Variants in WIPF1 observed in about 807,000 individuals in gnomAD.
The protein encoded by WIPF1 is WAS/WASL-interacting protein family member 1.
Under a neutral mutation model 35.4 loss-of-function variants are expected in WIPF1, and 13 were observed. The observed-to-expected ratio is 0.37, with a 90% CI of 0.24 to 0.58. The LOEUF is 0.58. Among genes scored for constraint, WIPF1 ranks in the 20% least tolerant of loss-of-function variants. WIPF1 has a pLI of 0.74. For synonymous variants in WIPF1, 267 were observed against 266.3 expected (o/e 1.00, Z -0.02); for missense variants, 591 against 667.0 (o/e 0.89, Z 1.25).
intron 1 of WIPF1, among the ~76,000 whole-genome samples, chr2:174,657,851 G>A (rs1042126697): frequency 4.0e-5 from 6 of 151,230 alleles, no homozygotes; most frequent in Admixed American, 2.6e-4. Context: ...TAGAGGTTGC[G>A]GTGAGCCAAG....
At chr2:174,574,834 C>T (rs1684991721) in intron 4 of WIPF1, 1 of 716,284 alleles carries the variant, frequency 1.4e-6, no homozygotes, top group Non-Finnish European at 2.6e-6. Flanking sequence ...CTCTACTAGA[C>T]AGCTGGGCTA....
chr2:174,583,113 C>G (rs1685290745), intron 2 of WIPF1, among the ~76,000 whole-genome samples: 3 of 152,182 alleles, frequency 2.0e-5, no homozygotes, highest in Admixed American at 2.0e-4. Flanking sequence ...AATGCCCCTC[C>G]CCATCCAGCC....
chr2:174,560,265 T>A lies in WIPF1; in HGVS notation c.*2282A>T, dbSNP rs752731804. 9 of 152,640 alleles carry A rather than the reference T, an allele frequency of 5.9e-5. No individual in the cohort carries two copies. The highest frequency in any genetic ancestry group is 8.8e-5 in the Non-Finnish European group (6 of 68,026). 9.5% of individuals were successfully genotyped at this position (152,640 alleles called of 1,614,324 possible). On this transcript the variant is annotated 3_prime_UTR_variant, in exon 8 of 8. Coordinates refer to ENST00000679041, the MANE Select transcript of WIPF1 (RefSeq NM_001375834.1). ...ATTAATGAAACAGTCACTTAAACAC[T>A]ACATTCTAAAACAATCTATTCTGGA...
intron 1 of WIPF1, among the ~76,000 whole-genome samples, chr2:174,648,537 T>C (rs1687465322): frequency 6.6e-6 from 1 of 152,180 alleles, no homozygotes; most frequent in Admixed American, 6.5e-5. Context: ...GGAGGGAGAA[T>C]AGGAGTTAAT....
At chr2:174,576,649 A>G (rs1574798264) in intron 3 of WIPF1, among the ~76,000 whole-genome samples, 2 of 152,326 alleles carry the variant, frequency 1.3e-5, no homozygotes, top group East Asian at 3.9e-4. Flanking sequence ...AAACAAACAA[A>G]CAAACAAAAA....
chr2:174,609,012 G>A (rs977542023), intron 1 of WIPF1, among the ~76,000 whole-genome samples: 2 of 151,988 alleles, frequency 1.3e-5, no homozygotes, highest in Non-Finnish European at 2.9e-5. Flanking sequence ...GACTCCCCTA[G>A]GGGCCCTCTG....
chr2:174,642,982 T>A (rs1337893918), intron 1 of WIPF1, among the ~76,000 whole-genome samples: 1 of 149,702 alleles, frequency 6.7e-6, no homozygotes. Context: ...ATTCTCATTG[T>A]TAACTTTTAA....
At chr2:174,671,466 A>T (rs1479615122) in intron 1 of WIPF1, among the ~76,000 whole-genome samples, 1 of 152,228 alleles carries the variant, frequency 6.6e-6, no homozygotes, top group African/African-American at 2.4e-5. Flanking sequence ...GGCACCTTGA[A>T]AAAAGAACAC....
At chr2:174,631,368 C>T (rs548488414) in intron 1 of WIPF1, among the ~76,000 whole-genome samples, 13 of 152,022 alleles carry the variant, frequency 8.6e-5, no homozygotes, top group Non-Finnish European at 1.5e-4. Context: ...AGAAACAGAA[C>T]GACAAATATT....
rs1194731135 is a variant in WIPF1 at position 174,622,955 on chromosome 2, T to C, written c.-38-37344A>G. Among the ~76,000 whole-genome samples the C allele has an allele frequency of 6.6e-6, 1 of 152,192 alleles. No individual in the cohort carries two copies. The highest frequency in any genetic ancestry group is 1.5e-5 in the Non-Finnish European group (1 of 68,024). On this transcript the variant is annotated intron_variant, in intron 1 of 8. Transcript: ENST00000272746. This position sits in a 1 kb window ranked among gnomAD's most constrained non-coding sequence, Gnocchi z 5.1. ...TTGTTAACAAAATGATTTTCAATTA[T>C]GAATTATCTTAAAGCCCAAAGACTT... is the stretch of plus-strand genomic sequence containing the variant.
chr2:174,660,930 T>C (rs377278839), intron 1 of WIPF1, among the ~76,000 whole-genome samples: 21 of 152,352 alleles, frequency 1.4e-4, no homozygotes, highest in African/African-American at 4.6e-4. Context: ...CACTGATGCC[T>C]AGGGCTGGTG....
chr2:174,567,999 G>A lies in WIPF1; in HGVS notation c.1204C>T (p.Pro402Ser), dbSNP rs766924474. ...GGACTGTCTACTCCACTCCTGGATG[G>A]CAACTGAGGGGTAGCAGGCAGGGCC... ...SRALPATPQL[P>S]SRSGVDSPRS... is the part of the protein sequence containing the mutation. Residue 402 changes from proline (P) to serine (S), a missense_variant, in exon 6 of 8, where the codon CCA becomes TCA. By Grantham distance (74) the Pro-to-Ser change is moderately conservative. Around this residue, in one of 3 missense-constraint regions of WIPF1, gnomAD observed 117 missense variants for 149.6 expected, o/e 0.78. Coordinates refer to ENST00000679041, the MANE Select transcript of WIPF1 (RefSeq NM_001375834.1). 2 of 1,614,058 alleles carry A rather than the reference G, an allele frequency of 1.2e-6. No individual in the cohort carries two copies. Among genetic ancestry groups the A allele is most frequent in the Non-Finnish European group, 1.7e-6 (2 of 1,180,036 alleles).
upstream of WIPF1, among the ~76,000 whole-genome samples, chr2:174,599,466 G>A (rs1329200486): frequency 6.6e-6 from 1 of 152,118 alleles, no homozygotes; most frequent in African/African-American, 2.4e-5. Context: ...CCTCTGCTTT[G>A]CCTGGAGCCC....
intron 1 of WIPF1, among the ~76,000 whole-genome samples, chr2:174,639,301 G>C (rs1377777204): frequency 6.6e-6 from 1 of 152,180 alleles, no homozygotes; most frequent in Non-Finnish European, 1.5e-5. Flanking sequence ...TGTCACCCAG[G>C]ATGGAGTCTT....
At chr2:174,630,476 T>C (rs1287511619) in intron 1 of WIPF1, 1 of 152,240 alleles carries the variant, frequency 6.6e-6, no homozygotes, top group Non-Finnish European at 1.5e-5. Context: ...CAAGGACTCA[T>C]CTTTTCCCAG....
At chr2:174,584,903 CAA>C (rs34445660) in intron 2 of WIPF1, among the ~76,000 whole-genome samples, 48 of 132,292 alleles carry the variant, frequency 3.6e-4, no homozygotes, top group Non-Finnish European at 4.4e-4. Flanking sequence ...GAGCGAGACT[CAA>C]AAAAAAAAAA....
At position 174,682,363 on chromosome 2, in the gene WIPF1, C is replaced by T. The variant is rs542633155; in HGVS notation, c.-39+411G>A. 2.0e-5 allele frequency among the ~76,000 whole-genome samples: 3 copies of T among 152,318 alleles called. No individual in the cohort carries two copies. The East Asian group carries it at 5.8e-4, about 29-fold the overall frequency. On this transcript the variant is annotated intron_variant, in intron 1 of 8. Coordinates refer to the WIPF1 transcript ENST00000272746. ...GGATGCCCGAACGTCCCCCTCTGTC[C>T]TAGCTGGGGTGTAGGTGCAGCCCCA...
chr2:174,655,004 G>T (rs533864683), intron 1 of WIPF1, among the ~76,000 whole-genome samples: 2 of 152,166 alleles, frequency 1.3e-5, no homozygotes, highest in African/African-American at 4.8e-5. Context: ...GAATTCAAAG[G>T]CATCTAACTT....
At chr2:174,678,683 T>G (rs948254811) in intron 1 of WIPF1, among the ~76,000 whole-genome samples, 2 of 152,272 alleles carry the variant, frequency 1.3e-5, no homozygotes, top group African/African-American at 4.8e-5. Context: ...CACATTAACC[T>G]GGTATTTCCC....
Sources: allele counts gnomAD v4.1 joint callset (sites outside exome capture counted in the v4.1 genomes callset), GRCh38; gene constraint gnomAD v4.1.1; regional missense constraint gnomAD v4.1.1; non-coding constraint Gnocchi (gnomAD v3.1); transcripts MANE v1.5; gene names NCBI Gene and HGNC (gene_info 2026-07-23, HGNC 2026-07-21).